The following SCN8A variants were observed in gnomAD, a reference collection of about 807,000 sequenced individuals.
SCN8A encodes sodium channel protein type 8 subunit alpha.
SCN8A carries 30 observed loss-of-function variants against 184.1 expected under a neutral mutation model. The observed-to-expected ratio is 0.16, with a 90% confidence interval of 0.12 to 0.22. The LOEUF (loss-of-function observed/expected upper bound fraction) is 0.22, where lower values mean the gene tolerates loss of function less well. Among genes scored for constraint, SCN8A ranks in the 10% least tolerant of loss-of-function variants. The probability of loss-of-function intolerance (pLI) is 1.00; values close to 1 mark genes in which losing one functional copy is unlikely to be tolerated. For synonymous variants in SCN8A, 852 were observed against 907.0 expected, an observed-to-expected ratio of 0.94 and a Z score of 1.09; for missense variants, 1,057 against 2,498.9, an observed-to-expected ratio of 0.42 and a Z score of 12.30.
intron 1 of SCN8A, among the ~76,000 whole-genome samples, chr12:51,605,145 G>T (rs902457739): frequency 1.3e-5 from 2 of 149,962 alleles, no homozygotes; most frequent in African/African-American, 5.1e-5. Context: ...AGTTATTGGG[G>T]TACAGGTGGT....
At chr12:51,756,601 A>G (rs1018127675) in intron 14 of SCN8A, among the ~76,000 whole-genome samples, 5 of 152,214 alleles carry the variant, frequency 3.3e-5, no homozygotes, top group Non-Finnish European at 2.9e-5. Context: ...GCCACGCCTC[A>G]TACCACTTCC....
chr12:51,678,510 A>G (rs1014946457), intron 2 of SCN8A, among the ~76,000 whole-genome samples: 2 of 152,250 alleles, frequency 1.3e-5, no homozygotes, highest in African/African-American at 4.8e-5. Flanking sequence ...AGAATTACAG[A>G]TATCAGTGCT....
chr12:51,788,442 G>C (rs537540793), intron 22 of SCN8A: 1 of 274,834 alleles, frequency 3.6e-6, no homozygotes, highest in Non-Finnish European at 6.7e-6. Flanking sequence ...CCATGTTTTT[G>C]AGTCCTTTCG....
At chr12:51,632,165 C>T (rs185518407) in intron 1 of SCN8A, among the ~76,000 whole-genome samples, 3 of 152,256 alleles carry the variant, frequency 2.0e-5, no homozygotes, top group Admixed American at 2.0e-4. Flanking sequence ...GGAAGAATTT[C>T]TTCTCAAAAA....
intron 1 of SCN8A, among the ~76,000 whole-genome samples, chr12:51,605,799 A>G (rs1211555275): frequency 6.6e-6 from 1 of 152,142 alleles, no homozygotes; most frequent in Non-Finnish European, 1.5e-5. Flanking sequence ...TTCAGGAGTA[A>G]GGTGGTATTG....
intron 1 of SCN8A, among the ~76,000 whole-genome samples, chr12:51,597,589 A>G (rs938819680): frequency 6.6e-6 from 1 of 152,180 alleles, no homozygotes; most frequent in Non-Finnish European, 1.5e-5. Context: ...TTAAAATGTT[A>G]CTTTTACTTT....
At position 51,766,018 on chromosome 12, in the gene SCN8A, C is replaced by A; in HGVS notation, c.2892C>A (p.Gly964=). 6.2e-7 allele frequency: 1 copy of A among 1,613,520 alleles called. No individual in the cohort carries two copies. Residue 964 remains glycine (G), a synonymous_variant, in exon 16 of 27, where the codon GGC becomes GGA. Transcript: ENST00000627620. ...LIVFMMVMVI[G]NLVVLNLFLA... ...TCTTTATGATGGTCATGGTGATTGG[C>A]AACTTGGTGGTTAGTACTAATTTGT...
intron 6 of SCN8A, among the ~76,000 whole-genome samples, chr12:51,697,819 G>A (rs1452570621): frequency 6.6e-6 from 1 of 152,132 alleles, no homozygotes; most frequent in African/African-American, 2.4e-5. Context: ...TAAATGCTTT[G>A]TGAAGTTTTT....
intron 2 of SCN8A, among the ~76,000 whole-genome samples, chr12:51,674,452 C>T (rs932637611): frequency 4.6e-5 from 7 of 152,184 alleles, no homozygotes; most frequent in Non-Finnish European, 1.0e-4. Context: ...CCTGCCTCAG[C>T]CTCCCTAGTA....
At chr12:51,802,474 AC>A (rs1216109067) in intron 26 of SCN8A, among the ~76,000 whole-genome samples, 2 of 152,112 alleles carry the variant, frequency 1.3e-5, no homozygotes, top group Non-Finnish European at 2.9e-5. Flanking sequence ...AACAATAGAT[AC>A]CTAGGGAGGC....
intron 1 of SCN8A, among the ~76,000 whole-genome samples, chr12:51,645,404 A>C (rs981291122): frequency 6.0e-5 from 9 of 150,474 alleles, no homozygotes; most frequent in African/African-American, 2.2e-4. Context: ...GGCCGCGCCT[A>C]CTGGGAAGTG....
chr12:51,763,548 G>T (rs1169554642), intron 15 of SCN8A, among the ~76,000 whole-genome samples: 2 of 152,150 alleles, frequency 1.3e-5, no homozygotes, highest in African/African-American at 4.8e-5. Context: ...GAAATTAGTT[G>T]TTGAACATTG....
At chr12:51,596,259 A>G (rs1476883520) in intron 1 of SCN8A, among the ~76,000 whole-genome samples, 2 of 152,178 alleles carry the variant, frequency 1.3e-5, no homozygotes, top group African/African-American at 4.8e-5. Context: ...CACCTTTGGT[A>G]AATGTTACTC....
In SCN8A at chr12:51,810,904, C is replaced by T. The variant is rs1241012612; in HGVS notation, c.*3475C>T. 1 of 152,230 alleles carries T rather than the reference C, an allele frequency of 6.6e-6. No individual in the cohort carries two copies. The highest frequency in any genetic ancestry group is 1.5e-5 in the Non-Finnish European group (1 of 68,072). The allele number at this position is 152,230 out of a possible 1,614,324, so 9.4% of individuals were successfully genotyped here. A position where few individuals can be genotyped will look rare whatever the true frequency, so the allele number is the denominator to read the frequency against. ...GGAGAGAGATAAACAAACTCCCAGT[C>T]AAAGCCCCTAAAGCGACAGTGCCCA... On this transcript the variant is annotated 3_prime_UTR_variant, in exon 27 of 27. Transcript: ENST00000627620.
In SCN8A at chr12:51,770,562, A is replaced by G. The variant is rs1592152427; in HGVS notation, c.3524A>G (p.Asn1175Ser). 1.2e-6 allele frequency: 2 copies of G among 1,612,664 alleles called. No individual in the cohort carries two copies. Among genetic ancestry groups the G allele is most frequent in the Non-Finnish European group, 1.7e-6 (2 of 1,179,276 alleles). Residue 1175 changes from asparagine to serine, a missense_variant, in exon 19 of 27, where the codon AAC becomes AGC. Asn to Ser is a conservative substitution (Grantham distance 46). Coordinates refer to ENST00000627620, the MANE Select transcript of SCN8A (RefSeq NM_001330260.2). ...CAGCGGTTCAAGTGCTGCCAGGTCA[A>G]CATCGAGGAAGGGCTAGGCAAGTCT... ...CVQRFKCCQV[N>S]IEEGLGKSWW...
intron 12 of SCN8A, among the ~76,000 whole-genome samples, chr12:51,729,443 G>T (rs1942206997): frequency 6.6e-6 from 1 of 151,830 alleles, no homozygotes; most frequent in African/African-American, 2.4e-5. Context: ...GTATTTGACT[G>T]CTTTCAATCA....
chr12:51,780,586 T>TGG, intron 20 of SCN8A, 63 bp from the exon 21 acceptor site: 2 of 321,850 alleles, frequency 6.2e-6, no homozygotes, highest in Non-Finnish European at 1.0e-5. Context: ...TTTTTTTTTT[T>TGG]TTTTTTTTTT....
At chr12:51,780,912 C>A (rs542659487) in intron 21 of SCN8A, 141 bp downstream of exon 21, 9 of 1,082,144 alleles carry the variant, frequency 8.3e-6, no homozygotes, top group Non-Finnish European at 1.1e-5. Context: ...CTCTCTCCCC[C>A]ACACCTGCCC....
At chr12:51,668,985 T>C (rs962206778) in intron 2 of SCN8A, among the ~76,000 whole-genome samples, 3 of 152,182 alleles carry the variant, frequency 2.0e-5, no homozygotes, top group African/African-American at 4.8e-5. Flanking sequence ...CCCTAGGCTA[T>C]ATGGTATAGC....
Sources: allele counts gnomAD v4.1 joint callset (sites outside exome capture counted in the v4.1 genomes callset), GRCh38; gene constraint gnomAD v4.1.1; transcripts MANE v1.5; gene names NCBI Gene and HGNC (gene_info 2026-07-23, HGNC 2026-07-21).